The following MAGI1 variants were observed in gnomAD, a reference collection of about 807,000 sequenced individuals.
The protein encoded by MAGI1 is membrane associated guanylate kinase, WW and PDZ domain containing 1.
Under a neutral mutation model 139.9 loss-of-function variants are expected in MAGI1, and 58 were observed. The ratio of observed to expected loss-of-function variants is 0.41; its 90% CI spans 0.34 to 0.52. The LOEUF (loss-of-function observed/expected upper bound fraction) is 0.52, where lower values mean the gene tolerates loss of function less well. Ranked by LOEUF, MAGI1 falls within the 20% of genes least tolerant of loss-of-function variation. The pLI is 0.12. For synonymous variants in MAGI1, 812 were observed against 737.9 expected, an observed-to-expected ratio of 1.10 and a Z score of -1.63; for missense variants, 1,874 against 1,901.6, an observed-to-expected ratio of 0.99 and a Z score of 0.27.
intron 1 of MAGI1, among the ~76,000 whole-genome samples, chr3:65,934,866 T>C (rs2062974605): frequency 6.6e-6 from 1 of 151,832 alleles, no homozygotes; most frequent in African/African-American, 2.4e-5. Flanking sequence ...TCTGCACCAA[T>C]TTAATCTGCA....
intron 2 of MAGI1, among the ~76,000 whole-genome samples, chr3:65,508,560 G>C (rs1659892964): frequency 6.6e-6 from 1 of 152,084 alleles, no homozygotes; most frequent in Non-Finnish European, 1.5e-5. Context: ...GAGATGTCAG[G>C]TGAGTGCTTT....
At chr3:65,663,796 C>G (rs2086340885) in intron 1 of MAGI1, among the ~76,000 whole-genome samples, 1 of 152,120 alleles carries the variant, frequency 6.6e-6, no homozygotes, top group Non-Finnish European at 1.5e-5. Flanking sequence ...TGACCTAAAC[C>G]CACTAGGTCA....
At chr3:65,357,583 A>C (rs996835806) in intron 22 of MAGI1, among the ~76,000 whole-genome samples, 5 of 151,372 alleles carry the variant, frequency 3.3e-5, no homozygotes, top group Non-Finnish European at 7.4e-5. Context: ...GATTTACTTA[A>C]AAATAATTTA....
At chr3:65,557,612 T>C (rs1290275385) in intron 2 of MAGI1, among the ~76,000 whole-genome samples, 1 of 152,242 alleles carries the variant, frequency 6.6e-6, no homozygotes, top group Non-Finnish European at 1.5e-5. Context: ...GCCTCTGTCA[T>C]ATCCTCTTGT....
intron 2 of MAGI1, among the ~76,000 whole-genome samples, chr3:65,535,263 C>T (rs2107870950): frequency 6.6e-6 from 1 of 152,284 alleles, no homozygotes; most frequent in East Asian, 1.9e-4. Flanking sequence ...AGGAATAGCT[C>T]TTCAAAGGGA....
At chr3:65,763,995 C>A (rs934192199) in intron 1 of MAGI1, among the ~76,000 whole-genome samples, 1 of 150,938 alleles carries the variant, frequency 6.6e-6, no homozygotes, top group Non-Finnish European at 1.5e-5. Context: ...TCACTTTACC[C>A]TCGGAGGTGG....
intron 1 of MAGI1, among the ~76,000 whole-genome samples, chr3:65,713,922 GA>G (rs2031856737): frequency 6.6e-6 from 1 of 152,020 alleles, no homozygotes; most frequent in Admixed American, 6.6e-5. Flanking sequence ...GGAAAAAGAG[GA>G]AAAAAAGTTA....
intron 1 of MAGI1, among the ~76,000 whole-genome samples, chr3:65,722,363 C>T (rs751061742): frequency 1.7e-4 from 26 of 152,012 alleles, no homozygotes; most frequent in Non-Finnish European, 3.1e-4. Context: ...CACAGTGGCT[C>T]GCACCTATAA....
At chr3:65,994,360 T>TGA (rs562698838) in intron 1 of MAGI1, among the ~76,000 whole-genome samples, 144 of 150,288 alleles carry the variant, frequency 9.6e-4, no homozygotes, top group African/African-American at 3.4e-3. Context: ...CAGCAAAGAG[T>TGA]GAGAGACTCA....
chr3:65,715,167 C>CA (rs2032074223), intron 1 of MAGI1, among the ~76,000 whole-genome samples: 1 of 152,310 alleles, frequency 6.6e-6, no homozygotes, highest in East Asian at 1.9e-4. Context: ...TTTTAATCAG[C>CA]AATGCTTTGC....
chr3:65,724,858 A>G (rs1260601823), intron 1 of MAGI1, among the ~76,000 whole-genome samples: 1 of 152,138 alleles, frequency 6.6e-6, no homozygotes, highest in African/African-American at 2.4e-5. Flanking sequence ...ACTCACTATC[A>G]TGAGAACCAC....
At chr3:65,535,042 T>C (rs1002010169) in intron 2 of MAGI1, among the ~76,000 whole-genome samples, 1 of 151,352 alleles carries the variant, frequency 6.6e-6, no homozygotes, top group Non-Finnish European at 1.5e-5. Flanking sequence ...AGGACAAAAA[T>C]AACTCTGGCA....
chr3:65,419,977 T>G (rs1022448879), intron 12 of MAGI1, among the ~76,000 whole-genome samples: 4 of 152,094 alleles, frequency 2.6e-5, no homozygotes, highest in Non-Finnish European at 5.9e-5. Context: ...ATTCTTTAGG[T>G]GTCCCAAGTC....
chr3:65,959,513 T>G (rs1169959351), intron 1 of MAGI1, among the ~76,000 whole-genome samples: 27 of 151,802 alleles, frequency 1.8e-4, no homozygotes, highest in Non-Finnish European at 1.8e-4. Flanking sequence ...CATAGCTCAG[T>G]GTAGCCTCTA....
intron 2 of MAGI1, among the ~76,000 whole-genome samples, chr3:65,494,272 A>G (rs1354263697): frequency 1.3e-5 from 2 of 152,238 alleles, no homozygotes; most frequent in Admixed American, 6.5e-5. Flanking sequence ...TGCATTTGCT[A>G]GAAAATTCTC....
intron 2 of MAGI1, among the ~76,000 whole-genome samples, chr3:65,608,569 T>G (rs1403492115): frequency 6.6e-6 from 1 of 152,030 alleles, no homozygotes; most frequent in Non-Finnish European, 1.5e-5. Context: ...AAATGCAAAT[T>G]AAGATCACAA....
intron 1 of MAGI1, among the ~76,000 whole-genome samples, chr3:65,937,240 G>A (rs1576154932): frequency 6.6e-6 from 1 of 152,164 alleles, no homozygotes; most frequent in South Asian, 2.1e-4. Flanking sequence ...ATGGCAGCCT[G>A]ACAAACACCT....
At chr3:65,794,131 A>G (rs978574210) in intron 1 of MAGI1, among the ~76,000 whole-genome samples, 12 of 152,192 alleles carry the variant, frequency 7.9e-5, no homozygotes, top group African/African-American at 2.9e-4. Context: ...ATGAGACGCA[A>G]GCCATTGCCA....
chr3:65,686,843 A>G (rs1358178770), intron 1 of MAGI1, among the ~76,000 whole-genome samples: 5 of 152,236 alleles, frequency 3.3e-5, no homozygotes, highest in African/African-American at 1.2e-4. Flanking sequence ...ATGTAAATTT[A>G]GAGGAAACTG....
Sources: gnomAD v4.1 joint callset for allele counts (sites outside exome capture counted in the v4.1 genomes callset) on GRCh38, gnomAD v4.1.1 for gene constraint, MANE v1.5 for transcripts, NCBI Gene and HGNC (gene_info 2026-07-23, HGNC 2026-07-21) for gene names.